The following PCDH15 variants were observed in gnomAD, a reference collection of about 807,000 sequenced individuals.
PCDH15 encodes the protein protocadherin-15.
A neutral mutation model predicts 178.5 loss-of-function variants in PCDH15; 129 were observed. The observed-to-expected ratio is 0.72, with a 90% CI of 0.63 to 0.84. The LOEUF is 0.84. Among genes scored for constraint, PCDH15 ranks in the 40% least tolerant of loss-of-function variants. The pLI, the probability that PCDH15 is intolerant of heterozygous loss-of-function variation, is 0.00. For missense variants in PCDH15, 2,230 were observed against 2,099.9 expected (o/e 1.06, Z -1.21); for synonymous variants, 800 against 732.0 (o/e 1.09, Z -1.50).
At chr10:55,186,853 C>T (rs1415439243) in intron 1 of PCDH15, among the ~76,000 whole-genome samples, 1 of 151,478 alleles carries the variant, frequency 6.6e-6, no homozygotes, top group Non-Finnish European at 1.5e-5. Flanking sequence ...TGCTTCAGTA[C>T]TTAGTTGGTA....
chr10:54,568,675 G>C (rs187016440), intron 2 of PCDH15: 1 of 151,948 alleles, frequency 6.6e-6, no homozygotes, highest in African/African-American at 2.4e-5. Context: ...AAGGAATACA[G>C]GTAGCCTGAT....
chr10:55,438,050 G>T (rs1004329049), intron 2 of PCDH15, among the ~76,000 whole-genome samples: 1 of 151,684 alleles, frequency 6.6e-6, no homozygotes, highest in Non-Finnish European at 1.5e-5. Flanking sequence ...GGTCAGGCTG[G>T]TCTCAAACTA....
At chr10:54,593,277 G>A (rs1172583776) in intron 2 of PCDH15, among the ~76,000 whole-genome samples, 1 of 151,932 alleles carries the variant, frequency 6.6e-6, no homozygotes, top group African/African-American at 2.4e-5. Flanking sequence ...TTTTCCTGAT[G>A]GCTTTTTGCT....
At chr10:54,720,906 C>T (rs1180689646) in intron 1 of PCDH15, among the ~76,000 whole-genome samples, 2 of 151,988 alleles carry the variant, frequency 1.3e-5, no homozygotes, top group African/African-American at 4.8e-5. Context: ...TAGGTATTTA[C>T]ATTACATTTC....
At position 54,638,178 on chromosome 10, in the gene PCDH15, ATCTT is replaced by A. The variant is rs1168716642; in HGVS notation, c.91+25990_91+25993del. Among the ~76,000 whole-genome samples, 9 of 152,088 alleles carry A rather than the reference ATCTT, an allele frequency of 5.9e-5. No homozygotes were observed. The East Asian group carries it at 1.5e-3, about 26-fold the overall frequency. ...GACTGATGGTCTCATGAAAAAAAAG[ATCTT>A]TATTTTCAGCTTTTTGTAACTATGT... On this transcript the variant is annotated intron_variant, in intron 2 of 37. Transcript: ENST00000644397.
At chr10:54,822,793 T>C (rs1953068082) in intron 3 of PCDH15, among the ~76,000 whole-genome samples, 1 of 152,092 alleles carries the variant, frequency 6.6e-6, no homozygotes, top group African/African-American at 2.4e-5. Flanking sequence ...CCAGCATCCA[T>C]TGTTACTTGT....
At chr10:54,010,284 C>T (rs1478391269) in intron 20 of PCDH15, among the ~76,000 whole-genome samples, 1 of 152,198 alleles carries the variant, frequency 6.6e-6, no homozygotes, top group Non-Finnish European at 1.5e-5. Context: ...GGTCCACACC[C>T]TTGCTACTTC....
chr10:53,960,720 T>C (rs1434729008), intron 22 of PCDH15, among the ~76,000 whole-genome samples: 2 of 152,184 alleles, frequency 1.3e-5, no homozygotes, highest in Admixed American at 6.5e-5. Context: ...AGAGCCACAA[T>C]TGACCTTTGG....
intron 10 of PCDH15, among the ~76,000 whole-genome samples, chr10:54,207,735 C>G: frequency 6.6e-6 from 1 of 152,022 alleles, no homozygotes; most frequent in Non-Finnish European, 1.5e-5. Context: ...TCCCTTAGTT[C>G]TATCCAAGTG....
At chr10:55,303,895 T>C (rs1022492073) in intron 1 of PCDH15, among the ~76,000 whole-genome samples, 2 of 152,196 alleles carry the variant, frequency 1.3e-5, no homozygotes, top group Non-Finnish European at 2.9e-5. Flanking sequence ...TTTTATTTAT[T>C]CTGATCATAT....
intron 13 of PCDH15, among the ~76,000 whole-genome samples, chr10:54,159,150 A>G (rs1229004139): frequency 6.6e-6 from 1 of 151,336 alleles, no homozygotes; most frequent in Non-Finnish European, 1.5e-5. Context: ...TTGATAATGC[A>G]TGAATGTGTT....
chr10:54,512,552 C>A (rs1279194500), intron 3 of PCDH15, among the ~76,000 whole-genome samples: 1 of 152,062 alleles, frequency 6.6e-6, no homozygotes, highest in Non-Finnish European at 1.5e-5. Context: ...AAAATTTAAT[C>A]TTAATTTTAA....
intron 2 of PCDH15, among the ~76,000 whole-genome samples, chr10:54,934,232 T>G (rs1837850325): frequency 6.6e-6 from 1 of 152,118 alleles, no homozygotes; most frequent in Admixed American, 6.6e-5. Context: ...AAGCACATAA[T>G]TTATCTTCAT....
At chr10:53,968,620 C>G (rs1244375778) in intron 21 of PCDH15, among the ~76,000 whole-genome samples, 1 of 152,174 alleles carries the variant, frequency 6.6e-6, no homozygotes, top group East Asian at 1.9e-4. Flanking sequence ...CCGACTGACA[C>G]CTCATATAGC....
At position 54,183,484 on chromosome 10, in the gene PCDH15, T is replaced by C. The variant is rs2048198726; in HGVS notation, c.1550A>G (p.Tyr517Cys). ...CCCAGGTCTCATGTCTGTATAAACA[T>C]ACACATCATAGGATATTTCAGGGAA... Reference protein sequence around the residue: ...PTFPEISYDVYVYTDMRPGDS... With the variant: ...PTFPEISYDVCVYTDMRPGDS... The change falls in exon 13 of 38, where the codon TAT becomes TGT. Residue 517 changes from tyrosine (Y) to cysteine (C), a missense_variant. Transcript: ENST00000644397. The C allele has an allele frequency of 1.2e-6, 2 of 1,613,740 alleles. No individual in the cohort carries two copies. Among genetic ancestry groups the C allele is most frequent in the Non-Finnish European group, 1.7e-6 (2 of 1,179,662 alleles).
intron 1 of PCDH15, among the ~76,000 whole-genome samples, chr10:55,174,288 C>A (rs1306230972): frequency 1.3e-5 from 2 of 152,064 alleles, no homozygotes; most frequent in African/African-American, 4.8e-5. Context: ...CACTGAAACC[C>A]GATCTTGAAG....
intron 5 of PCDH15, among the ~76,000 whole-genome samples, chr10:54,350,117 A>T (rs1272417967): frequency 3.3e-5 from 5 of 152,220 alleles, no homozygotes; most frequent in Non-Finnish European, 7.3e-5. Flanking sequence ...TATAATTTTA[A>T]GGTCTTTTTT....
At chr10:55,141,172 C>T (rs7091107) in intron 2 of PCDH15, among the ~76,000 whole-genome samples, 6,452 of 152,056 alleles carry the variant, frequency 0.042, 231 homozygotes, top group African/African-American at 0.1. Flanking sequence ...GGGACAACAA[C>T]ATTACAAATG....
chr10:55,120,629 A>AG (rs1837742390), intron 2 of PCDH15, among the ~76,000 whole-genome samples: 3 of 152,156 alleles, frequency 2.0e-5, no homozygotes, highest in Non-Finnish European at 4.4e-5. Flanking sequence ...ATGTGTTTTT[A>AG]GGGAAACAGG....
Sources: gnomAD v4.1 joint callset for allele counts (sites outside exome capture counted in the v4.1 genomes callset) on GRCh38, gnomAD v4.1.1 for gene constraint, MANE v1.5 for transcripts, NCBI Gene and HGNC (gene_info 2026-07-23, HGNC 2026-07-21) for gene names.